MYO1E: variants seen among roughly 807,000 people sequenced by gnomAD.
The protein encoded by MYO1E is myosin IE.
MYO1E carries 68 observed loss-of-function variants against 151.1 expected under a neutral mutation model. That is an observed-to-expected ratio of 0.45 (90% CI 0.37 to 0.55). The LOEUF (loss-of-function observed/expected upper bound fraction) is 0.55, where lower values mean the gene tolerates loss of function less well. Among genes scored for constraint, MYO1E ranks in the 20% least tolerant of loss-of-function variants. MYO1E has a pLI of 0.00. For missense variants in MYO1E, 1,363 were observed against 1,389.3 expected (o/e 0.98, Z 0.30); for synonymous variants, 601 against 501.7 (o/e 1.20, Z -2.64).
chr15:59,210,691 A>C, intron 12 of MYO1E, 91 bp from the exon 13 acceptor site: 1 of 885,474 alleles, frequency 1.1e-6, no homozygotes, highest in Non-Finnish European at 1.9e-6. Flanking sequence ...TTCCCATAAA[A>C]GAGAAAAACC....
chr15:59,309,087 C>T (rs2080533917), intron 1 of MYO1E, among the ~76,000 whole-genome samples: 1 of 151,848 alleles, frequency 6.6e-6, no homozygotes, highest in African/African-American at 2.4e-5. Context: ...GCACTCCAGC[C>T]TGGGTGACAG....
intron 1 of MYO1E, among the ~76,000 whole-genome samples, chr15:59,358,788 C>A (rs1031982326): frequency 6.6e-6 from 1 of 152,188 alleles, no homozygotes; most frequent in African/African-American, 2.4e-5. Flanking sequence ...CTTTGAACCT[C>A]TCTTCTAATA....
At chr15:59,300,082 A>G (rs375468512) in intron 1 of MYO1E, among the ~76,000 whole-genome samples, 14 of 152,244 alleles carry the variant, frequency 9.2e-5, no homozygotes, top group African/African-American at 1.9e-4. Context: ...GCATTTGAGC[A>G]ACTGTTCACC....
intron 1 of MYO1E, among the ~76,000 whole-genome samples, chr15:59,369,626 A>G (rs1567027230): frequency 6.6e-6 from 1 of 152,148 alleles, no homozygotes. Flanking sequence ...GTTTTTTTTA[A>G]CTTCTTCAAG....
At position 59,214,639 on chromosome 15, in the gene MYO1E, C is replaced by T. The variant is rs758289480; in HGVS notation, c.1188+1G>A. The T allele has an allele frequency of 6.2e-7, 1 of 1,607,310 alleles. No homozygotes were observed. The highest frequency in any genetic ancestry group is 1.7e-5 in the Admixed American group (1 of 60,002). On this transcript the variant is annotated splice_donor_variant, in intron 11 of 27. Coordinates refer to ENST00000288235, the MANE Select transcript of MYO1E (RefSeq NM_004998.4). LOFTEE classifies it high-confidence loss of function. ...CCCCTAGTTATTAAAACTGGCCTTA[C>T]CTGGAATATTTCAAAGCCATAGATG...
chr15:59,143,094 C>T (rs1364487236), intron 26 of MYO1E, among the ~76,000 whole-genome samples: 1 of 152,156 alleles, frequency 6.6e-6, no homozygotes, highest in Non-Finnish European at 1.5e-5. Context: ...GATATCAAGG[C>T]ATCAGAGGCT....
intron 25 of MYO1E, 51 bp downstream of exon 25, chr15:59,158,236 G>T: frequency 7.1e-7 from 1 of 1,409,592 alleles, no homozygotes; most frequent in Non-Finnish European, 9.8e-7. Context: ...TATTTTATAA[G>T]TTATGGGTCC....
intron 1 of MYO1E, among the ~76,000 whole-genome samples, chr15:59,354,363 G>A (rs1410182626): frequency 2.0e-5 from 3 of 152,174 alleles, no homozygotes; most frequent in African/African-American, 7.2e-5. Flanking sequence ...ACCTTGGTCA[G>A]GAAATTTCAC....
chr15:59,281,698 T>C (rs1299938412), intron 1 of MYO1E, among the ~76,000 whole-genome samples: 1 of 152,240 alleles, frequency 6.6e-6, no homozygotes, highest in African/African-American at 2.4e-5. Flanking sequence ...AATTTTTCTA[T>C]AAATGGTCCT....
chr15:59,204,289 C>A (rs1304397759), intron 15 of MYO1E, among the ~76,000 whole-genome samples: 1 of 152,154 alleles, frequency 6.6e-6, no homozygotes. Flanking sequence ...TAGGGAGCTA[C>A]AGGGAGAGAA....
At chr15:59,175,137 G>A (rs549353589) in intron 19 of MYO1E, among the ~76,000 whole-genome samples, 1 of 152,188 alleles carries the variant, frequency 6.6e-6, no homozygotes, top group African/African-American at 2.4e-5. Flanking sequence ...ACTAAGACTG[G>A]GTGGGGCTAG....
chr15:59,218,723 A>G (rs1032107827), intron 9 of MYO1E, among the ~76,000 whole-genome samples: 24 of 152,374 alleles, frequency 1.6e-4, no homozygotes, highest in Non-Finnish European at 4.4e-5. Context: ...CAGACAGACA[A>G]GATCTGGAGA....
intron 5 of MYO1E, among the ~76,000 whole-genome samples, chr15:59,232,438 AG>A (rs35356488): frequency 6.6e-6 from 1 of 152,236 alleles, no homozygotes; most frequent in Non-Finnish European, 1.5e-5. Context: ...TTAAGCAGCA[AG>A]GGTCAACAGT....
intron 1 of MYO1E, among the ~76,000 whole-genome samples, chr15:59,324,667 C>CCCCT (rs1226606280): frequency 6.7e-6 from 1 of 150,166 alleles, no homozygotes; most frequent in Non-Finnish European, 1.5e-5. Context: ...TCCCAAGCCC[C>CCCCT]CCCCCCACAG....
chr15:59,200,359 T>C (rs1376021417), intron 16 of MYO1E, among the ~76,000 whole-genome samples: 1 of 152,232 alleles, frequency 6.6e-6, no homozygotes, highest in Non-Finnish European at 1.5e-5. Flanking sequence ...TATCTGGGCC[T>C]CATGAGAATT....
intron 14 of MYO1E, among the ~76,000 whole-genome samples, chr15:59,206,066 A>T (rs1363032881): frequency 1.3e-5 from 2 of 152,122 alleles, no homozygotes; most frequent in African/African-American, 4.8e-5. Flanking sequence ...GAAGTCCCCA[A>T]GACCACGACC....
intron 1 of MYO1E, among the ~76,000 whole-genome samples, chr15:59,301,546 A>G (rs2080482511): frequency 6.6e-6 from 1 of 152,232 alleles, no homozygotes. Flanking sequence ...CTCCTGGGCT[A>G]ATGCCCGAAG....
intron 18 of MYO1E, among the ~76,000 whole-genome samples, chr15:59,180,191 G>A (rs1450550397): frequency 2.0e-5 from 3 of 152,312 alleles, no homozygotes; most frequent in East Asian, 3.9e-4. Context: ...AAAATGCCTA[G>A]TGGAAGTCAC....
intron 26 of MYO1E, among the ~76,000 whole-genome samples, chr15:59,149,047 T>TG (rs2079459260): frequency 7.4e-5 from 9 of 121,538 alleles, no homozygotes; most frequent in African/African-American, 2.0e-4. Context: ...TGTTTTTTTT[T>TG]TTTTGTTTTT....
Sources: allele counts gnomAD v4.1 joint callset (sites outside exome capture counted in the v4.1 genomes callset), GRCh38; gene constraint gnomAD v4.1.1; transcripts MANE v1.5; gene names NCBI Gene and HGNC (gene_info 2026-07-23, HGNC 2026-07-21).